BCAS3: variants seen among roughly 807,000 people sequenced by gnomAD.
The protein encoded by BCAS3 is BCAS4/BCAS3 fusion.
A neutral mutation model predicts 116.1 loss-of-function variants in BCAS3; 53 were observed. That is an observed-to-expected ratio of 0.46 (90% confidence interval 0.37 to 0.57). The LOEUF is 0.57. Among genes scored for constraint, BCAS3 ranks in the 20% least tolerant of loss-of-function variants. The pLI, the probability that BCAS3 is intolerant of heterozygous loss-of-function variation, is 0.00. For missense variants in BCAS3, 917 were observed against 1,165.4 expected (o/e 0.79, Z 3.10); for synonymous variants, 391 against 408.2 (o/e 0.96, Z 0.51).
chr17:60,711,355 T>C (rs966334980), intron 5 of BCAS3, among the ~76,000 whole-genome samples: 1 of 152,140 alleles, frequency 6.6e-6, no homozygotes, highest in Non-Finnish European at 1.5e-5. Context: ...TTTTTTTTCT[T>C]ACGGAGAGAA....
chr17:61,286,178 T>C lies in BCAS3; in HGVS notation c.2426-82149T>C, dbSNP rs1419433770. ...TCTTCCTCTGGGATTTCTTTGCAGC[T>C]TTCAAAGGGTAGATCTTTGCAACCA... On this transcript the variant is annotated intron_variant, in intron 22 of 23. Transcript: ENST00000407086. This position sits in a 1 kb window ranked among gnomAD's most constrained non-coding sequence, Gnocchi z 4.8. Among the ~76,000 whole-genome samples, 1 of 152,154 alleles carries C rather than the reference T, an allele frequency of 6.6e-6. No individual in the cohort carries two copies. Among genetic ancestry groups the C allele is most frequent in the Non-Finnish European group, 1.5e-5 (1 of 68,032 alleles).
intron 13 of BCAS3, among the ~76,000 whole-genome samples, chr17:60,936,091 G>A (rs538812635): frequency 6.9e-6 from 1 of 145,874 alleles, no homozygotes; most frequent in African/African-American, 2.6e-5. Context: ...TCCTACCTAT[G>A]AGTGAGAACA....
chr17:61,166,816 G>C (rs1352993916), intron 22 of BCAS3, among the ~76,000 whole-genome samples: 2 of 152,154 alleles, frequency 1.3e-5, no homozygotes, highest in East Asian at 1.9e-4. Flanking sequence ...CTGGGGTAGA[G>C]TCATCCTCCC....
chr17:61,175,389 A>G lies in BCAS3; in HGVS notation c.2425+90825A>G, dbSNP rs537027999. Among the ~76,000 whole-genome samples, 388 of 142,816 alleles carry G rather than the reference A, an allele frequency of 2.7e-3. 4 individuals carry two copies. Among genetic ancestry groups the G allele is most frequent in the Admixed American group, 4.0e-3 (58 of 14,336 alleles). The allele number at this position is 142,816 out of a possible 152,430, so 93.7% of individuals were successfully genotyped here. A position where few individuals can be genotyped will look rare whatever the true frequency, so the allele number is the denominator to read the frequency against. ...GCTCCAGCCTGGGTGACACAGTGGG[A>G]AAAAAAAAAAAAGCTCTTGGGTTTA... is the stretch of plus-strand genomic sequence containing the variant. On this transcript the variant is annotated intron_variant, in intron 22 of 23. Coordinates refer to ENST00000407086, the MANE Select transcript of BCAS3 (RefSeq NM_017679.5).
intron 7 of BCAS3, among the ~76,000 whole-genome samples, chr17:60,860,122 A>G (rs1196810239): frequency 6.6e-6 from 1 of 152,222 alleles, no homozygotes; most frequent in African/African-American, 2.4e-5. Context: ...CCAGCAGTGT[A>G]TAAGCATTCC....
At chr17:60,771,618 T>C (rs1321670631) in intron 6 of BCAS3, among the ~76,000 whole-genome samples, 1 of 152,150 alleles carries the variant, frequency 6.6e-6, no homozygotes, top group Non-Finnish European at 1.5e-5. Flanking sequence ...TTGTTACATA[T>C]GTATACATGT....
intron 15 of BCAS3, among the ~76,000 whole-genome samples, chr17:61,005,123 G>C (rs1191476635): frequency 1.3e-5 from 2 of 152,066 alleles, no homozygotes; most frequent in Non-Finnish European, 2.9e-5. Flanking sequence ...GGGGATGGTC[G>C]TGGTATCACT....
At position 61,282,029 on chromosome 17, in the gene BCAS3, G is replaced by T. The variant is rs2051288882; in HGVS notation, c.2426-86298G>T. On this transcript the variant is annotated intron_variant, in intron 22 of 23. Coordinates refer to ENST00000407086, the MANE Select transcript of BCAS3 (RefSeq NM_017679.5). The surrounding 1 kb of genome is among the most constrained non-coding windows in gnomAD (Gnocchi z 5.9). ...GAATTTGGATTCAGAAGACCTCATTGACAACTAACTATAACACATTCAAAC... is the reference window on the plus strand; with the variant it reads ...GAATTTGGATTCAGAAGACCTCATTTACAACTAACTATAACACATTCAAAC... Among the ~76,000 whole-genome samples, 1 of 152,120 alleles carries T rather than the reference G, an allele frequency of 6.6e-6. No individual in the cohort carries two copies. Among genetic ancestry groups the T allele is most frequent in the Non-Finnish European group, 1.5e-5 (1 of 68,014 alleles).
chr17:61,211,241 G>A lies in BCAS3; in HGVS notation c.2425+126677G>A, dbSNP rs1265364512. Reference sequence around the variant, plus strand: ...CTGTAATCAGTAATCATTGTCTGGTGTGTTCAGATGATAATCCAGTTGGCC... The same window carrying A: ...CTGTAATCAGTAATCATTGTCTGGTATGTTCAGATGATAATCCAGTTGGCC... On this transcript the variant is annotated intron_variant, in intron 22 of 23. Coordinates refer to ENST00000407086, the MANE Select transcript of BCAS3 (RefSeq NM_017679.5). This position sits in a 1 kb window ranked among gnomAD's most constrained non-coding sequence, Gnocchi z 4.4. Among the ~76,000 whole-genome samples the A allele has an allele frequency of 6.6e-6, 1 of 152,214 alleles. No homozygotes were observed. Among genetic ancestry groups the A allele is most frequent in the Non-Finnish European group, 1.5e-5 (1 of 68,042 alleles).
chr17:60,882,468 G>C (rs2056257113), intron 9 of BCAS3, among the ~76,000 whole-genome samples: 1 of 151,608 alleles, frequency 6.6e-6, no homozygotes, highest in Non-Finnish European at 1.5e-5. Context: ...TGTCAATTTT[G>C]TCTTTTGTTG....
At chr17:61,045,380 AT>A (rs745795425) in intron 19 of BCAS3, among the ~76,000 whole-genome samples, 2 of 151,544 alleles carry the variant, frequency 1.3e-5, no homozygotes, top group Non-Finnish European at 2.9e-5. Context: ...ACATGGTGAT[AT>A]GCACCTGTAG....
rs1037466683 is a variant in BCAS3, at chr17:61,034,889, T to C, written c.1762+99T>C. ...CCTAGAATAATCTTGTACCCAGTAG[T>C]CTGGAAACCAATTTTTTTAATGTAA... On this transcript the variant is annotated intron_variant, in intron 17 of 23. Transcript: ENST00000407086. This position sits in a 1 kb window ranked among gnomAD's most constrained non-coding sequence, Gnocchi z 5.0. 3.4e-6 allele frequency: 4 copies of C among 1,176,420 alleles called. No homozygotes were observed. Among genetic ancestry groups the C allele is most frequent in the Non-Finnish European group, 4.7e-6 (4 of 842,442 alleles). 72.9% of individuals were successfully genotyped at this position (1,176,420 alleles called of 1,614,324 possible).
chr17:61,020,317 A>C lies in BCAS3; in HGVS notation c.1637+4416A>C, dbSNP rs996410331. On this transcript the variant is annotated intron_variant, in intron 16 of 23. Coordinates refer to ENST00000407086, the MANE Select transcript of BCAS3 (RefSeq NM_017679.5). This position sits in a 1 kb window ranked among gnomAD's most constrained non-coding sequence, Gnocchi z 4.5. ...CCATCTGTCTCACTGCGAGACATAC[A>C]TGAGGCCAGTAGAACTACAAATAGC... Among the ~76,000 whole-genome samples, 1 of 152,186 alleles carries C rather than the reference A, an allele frequency of 6.6e-6. No individual in the cohort carries two copies. Among genetic ancestry groups the C allele is most frequent in the African/African-American group, 2.4e-5 (1 of 41,448 alleles).
rs1423063173 is a variant in BCAS3, at chr17:60,995,196, A to T, written c.1486+4961A>T. ...TAGACGGAGTCTTGCTCTGTCTCCC[A>T]GGCTAGAGTGCAGTGGTGCAATCTT... is the stretch of plus-strand genomic sequence containing the variant. On this transcript the variant is annotated intron_variant, in intron 15 of 23. Transcript: ENST00000407086. This position sits in a 1 kb window ranked among gnomAD's most constrained non-coding sequence, Gnocchi z 4.7. Among the ~76,000 whole-genome samples the T allele has an allele frequency of 3.3e-5, 5 of 151,840 alleles. No individual in the cohort carries two copies. The highest frequency in any genetic ancestry group is 7.4e-5 in the Non-Finnish European group (5 of 67,992).
At chr17:60,742,187 A>G (rs1164815191) in intron 5 of BCAS3, among the ~76,000 whole-genome samples, 1 of 152,194 alleles carries the variant, frequency 6.6e-6, no homozygotes, top group Non-Finnish European at 1.5e-5. Flanking sequence ...ATTCACTTGT[A>G]TCTCTACCAG....
In BCAS3 at chr17:61,013,254, A is replaced by G. The variant is rs1179195878; in HGVS notation, c.1487-2497A>G. Among the ~76,000 whole-genome samples the G allele has an allele frequency of 1.3e-5, 2 of 152,208 alleles. No homozygotes were observed. Among genetic ancestry groups the G allele is most frequent in the Middle Eastern group, 3.4e-3 (1 of 294 alleles). ...CTGTAAGCTTCATGATAACAAGGAA[A>G]ACAGTCCCTTACAGTGTTATCTTAA... On this transcript the variant is annotated intron_variant, in intron 15 of 23. Coordinates refer to ENST00000407086, the MANE Select transcript of BCAS3 (RefSeq NM_017679.5). The surrounding 1 kb of genome is among the most constrained non-coding windows in gnomAD (Gnocchi z 4.4).
rs2058665951 is a variant in BCAS3 at position 61,365,270 on chromosome 17, A to G, written c.2426-3057A>G. Reference sequence around the variant, plus strand: ...ATTACATATTCCTCTGGCCTTTACCATCTCTTATGGACTGGGCCCAACATC... The same window carrying G: ...ATTACATATTCCTCTGGCCTTTACCGTCTCTTATGGACTGGGCCCAACATC... On this transcript the variant is annotated intron_variant, in intron 22 of 23. Coordinates refer to ENST00000407086, the MANE Select transcript of BCAS3 (RefSeq NM_017679.5). The surrounding 1 kb of genome is among the most constrained non-coding windows in gnomAD (Gnocchi z 4.6). Among the ~76,000 whole-genome samples the G allele has an allele frequency of 1.3e-5, 2 of 152,064 alleles. No individual in the cohort carries two copies. The highest frequency in any genetic ancestry group is 6.6e-5 in the Admixed American group (1 of 15,256).
At chr17:61,375,226 G>GTGTGTGTGTT (rs1270034796) in intron 23 of BCAS3, among the ~76,000 whole-genome samples, 1 of 145,736 alleles carries the variant, frequency 6.9e-6, no homozygotes, top group Non-Finnish European at 1.5e-5. Flanking sequence ...ATTTGTGTGT[G>GTGTGTGTGTT]TGTGTGTGTG....
At chr17:60,830,004 T>C (rs1287528683) in intron 7 of BCAS3, among the ~76,000 whole-genome samples, 1 of 152,182 alleles carries the variant, frequency 6.6e-6, no homozygotes, top group Non-Finnish European at 1.5e-5. Context: ...TTTATTTATT[T>C]ATTTTGAGAT....
Sources: gnomAD v4.1 joint callset for allele counts (sites outside exome capture counted in the v4.1 genomes callset) on GRCh38, gnomAD v4.1.1 for gene constraint, Gnocchi (gnomAD v3.1) non-coding constraint, MANE v1.5 for transcripts, NCBI Gene and HGNC (gene_info 2026-07-23, HGNC 2026-07-21) for gene names.